AGK: variants seen among roughly 807,000 people sequenced by gnomAD.
The protein encoded by AGK is acylglycerol kinase, mitochondrial.
AGK carries 52 observed loss-of-function variants against 66.4 expected under a neutral mutation model. That is an observed-to-expected ratio of 0.78 (90% CI 0.63 to 0.99). AGK has a LOEUF of 0.99. AGK is among the 50% of genes least tolerant of loss of function. The pLI is 0.00. For synonymous variants in AGK, 182 were observed against 181.1 expected (o/e 1.00, Z -0.04); for missense variants, 451 against 506.6 (o/e 0.89, Z 1.05).
At chr7:141,646,536 T>C (rs1017037517) in intron 13 of AGK, among the ~76,000 whole-genome samples, 6 of 152,182 alleles carry the variant, frequency 3.9e-5, no homozygotes, top group Admixed American at 1.3e-4. Flanking sequence ...TCTTTCTAGG[T>C]AACTTAATTG....
chr7:141,651,261 A>AAATC (rs199859425), intron 14 of AGK, among the ~76,000 whole-genome samples: 1 of 152,354 alleles, frequency 6.6e-6, no homozygotes, highest in Non-Finnish European at 1.5e-5. Flanking sequence ...GATTATTTTT[A>AAATC]AATCAATCAA....
At chr7:141,633,590 C>G (rs1210848245) in intron 9 of AGK, among the ~76,000 whole-genome samples, 1 of 152,138 alleles carries the variant, frequency 6.6e-6, no homozygotes, top group African/African-American at 2.4e-5. Flanking sequence ...TCTAGCTGAC[C>G]TGACTACTGA....
intron 9 of AGK, among the ~76,000 whole-genome samples, chr7:141,628,354 C>T (rs1240556429): frequency 6.6e-6 from 1 of 152,204 alleles, no homozygotes; most frequent in Non-Finnish European, 1.5e-5. Flanking sequence ...ACAGTCTCTG[C>T]TCTGGTTTCT....
chr7:141,551,541 C>CA (rs1488391221), intron 1 of AGK, 107 bp downstream of exon 1: 2 of 152,798 alleles, frequency 1.3e-5, no homozygotes, highest in African/African-American at 4.8e-5. Flanking sequence ...GGCGGAGCCT[C>CA]TGGAGTCGCG....
chr7:141,653,060 C>A lies in AGK; in HGVS notation c.*136C>A. The A allele has an allele frequency of 2.0e-6, 2 of 1,011,462 alleles. No individual in the cohort carries two copies. Among genetic ancestry groups the A allele is most frequent in the Non-Finnish European group, 2.9e-6 (2 of 693,524 alleles). 62.7% of individuals were successfully genotyped at this position (1,011,462 alleles called of 1,614,324 possible). ...TTCATGGCAAGTACCCCTCTGCCCCCACTCCAGCAGTGCTTCCCAAAGTGT... is the reference window on the plus strand; with the variant it reads ...TTCATGGCAAGTACCCCTCTGCCCCAACTCCAGCAGTGCTTCCCAAAGTGT... On this transcript the variant is annotated 3_prime_UTR_variant, in exon 16 of 16. Coordinates refer to ENST00000649286, the MANE Select transcript of AGK (RefSeq NM_018238.4).
In AGK at chr7:141,611,293, A is replaced by C. The variant is rs1796583942; in HGVS notation, c.390+6A>C. 1 of 1,600,564 alleles carries C rather than the reference A, an allele frequency of 6.2e-7. No homozygotes were observed. Among genetic ancestry groups the C allele is most frequent in the Non-Finnish European group, 8.5e-7 (1 of 1,170,892 alleles). On this transcript the variant is annotated splice_donor_region_variant and intron_variant, in intron 6 of 15. Coordinates refer to ENST00000649286, the MANE Select transcript of AGK (RefSeq NM_018238.4). ...GAGATGGGACACTGCAGGAGGTATG[A>C]CTGTTTTTCTCTTTGAAGCTATTTT...
intron 2 of AGK, among the ~76,000 whole-genome samples, chr7:141,573,696 C>A (rs958556324): frequency 5.3e-5 from 8 of 152,168 alleles, no homozygotes; most frequent in African/African-American, 2.4e-5. Context: ...AAGTAAATAT[C>A]ATTTCACGCA....
At position 141,555,183 on chromosome 7, in the gene AGK, C is replaced by T. The variant is rs1032157570; in HGVS notation, c.-14-270C>T. ...TCTATTGCAATGAAGAAATAGTGAT[C>T]AGAGAGGGAAGAAGTATAGGTTAGG... On this transcript the variant is annotated intron_variant, in intron 1 of 15. Coordinates refer to ENST00000649286, the MANE Select transcript of AGK (RefSeq NM_018238.4). This position sits in a 1 kb window ranked among gnomAD's most constrained non-coding sequence, Gnocchi z 4.2. 1.3e-5 allele frequency among the ~76,000 whole-genome samples: 2 copies of T among 151,804 alleles called. No individual in the cohort carries two copies. The highest frequency in any genetic ancestry group is 2.9e-5 in the Non-Finnish European group (2 of 67,996).
intron 4 of AGK, among the ~76,000 whole-genome samples, chr7:141,597,890 C>CAAAAAA (rs56295907): frequency 1.3e-3 from 94 of 71,418 alleles, no homozygotes; most frequent in African/African-American, 2.7e-3. Flanking sequence ...GACTCTGTCT[C>CAAAAAA]AAAAAAAAAA....
chr7:141,637,761 T>C (rs1797205021), intron 11 of AGK, among the ~76,000 whole-genome samples: 1 of 152,204 alleles, frequency 6.6e-6, no homozygotes, highest in Non-Finnish European at 1.5e-5. Flanking sequence ...TTATTGAATG[T>C]TTTTCTAATT....
chr7:141,558,365 C>T (rs924490335), intron 2 of AGK, among the ~76,000 whole-genome samples: 5 of 150,730 alleles, frequency 3.3e-5, no homozygotes, highest in African/African-American at 1.2e-4. Flanking sequence ...TTTTTTTAAC[C>T]ATGTTGGCCC....
At chr7:141,641,525 C>T in intron 12 of AGK, 127 bp downstream of exon 12, 1 of 1,120,288 alleles carries the variant, frequency 8.9e-7, no homozygotes, top group East Asian at 2.5e-5. Context: ...TCACTGAATT[C>T]ATCCTTCTGT....
At chr7:141,553,129 T>C (rs974580758) in intron 1 of AGK, among the ~76,000 whole-genome samples, 4 of 152,178 alleles carry the variant, frequency 2.6e-5, no homozygotes, top group African/African-American at 9.7e-5. Flanking sequence ...ATAGCTCTCT[T>C]CCTCGGTTTG....
intron 9 of AGK, among the ~76,000 whole-genome samples, chr7:141,626,386 C>T (rs916055536): frequency 6.6e-6 from 1 of 152,166 alleles, no homozygotes; most frequent in Admixed American, 6.6e-5. Context: ...AGGTAGAGAT[C>T]ATCAGTGAAT....
At chr7:141,636,288 G>A (rs1797167629) in intron 10 of AGK, among the ~76,000 whole-genome samples, 1 of 152,328 alleles carries the variant, frequency 6.6e-6, no homozygotes, top group East Asian at 1.9e-4. Context: ...CAGCACATCA[G>A]AGCATGCAGT....
intron 2 of AGK, among the ~76,000 whole-genome samples, chr7:141,577,383 G>A (rs946269964): frequency 2.0e-5 from 3 of 152,130 alleles, no homozygotes; most frequent in Non-Finnish European, 2.9e-5. Context: ...TTGCCACTCA[G>A]ACTATGTTTA....
At chr7:141,650,445 G>A (rs895344212) in intron 14 of AGK, 69 of 934,366 alleles carry the variant, frequency 7.4e-5, no homozygotes, top group Non-Finnish European at 8.7e-5. Context: ...AGCACCAGTG[G>A]CAGCCAGTGT....
At chr7:141,618,400 C>G (rs535901454) in intron 8 of AGK, among the ~76,000 whole-genome samples, 201 of 152,270 alleles carry the variant, frequency 1.3e-3, no homozygotes, top group Non-Finnish European at 2.6e-3. Flanking sequence ...ATCAAATGCA[C>G]ACTAGTAGTA....
chr7:141,551,480 G>A (rs1795079904), intron 1 of AGK, 46 bp downstream of exon 1: 1 of 153,178 alleles, frequency 6.5e-6, no homozygotes, highest in Admixed American at 6.5e-5. Flanking sequence ...CGGGTCGCTG[G>A]GACTGAGCGC....
Sources: gnomAD v4.1 joint callset for allele counts (sites outside exome capture counted in the v4.1 genomes callset) on GRCh38, gnomAD v4.1.1 for gene constraint, Gnocchi (gnomAD v3.1) non-coding constraint, MANE v1.5 for transcripts, NCBI Gene and HGNC (gene_info 2026-07-23, HGNC 2026-07-21) for gene names.